Variants in ARSJ observed in about 807,000 individuals in gnomAD.
The protein encoded by ARSJ is arylsulfatase family member J.
A neutral mutation model predicts 35.9 loss-of-function variants in ARSJ; 26 were observed. The ratio of observed to expected loss-of-function variants is 0.72; its 90% CI spans 0.53 to 1.00. ARSJ has a LOEUF of 1.00. Ranked by LOEUF, ARSJ falls within the 50% of genes least tolerant of loss-of-function variation. ARSJ has a pLI of 0.00. For missense variants in ARSJ, 667 were observed against 723.6 expected (o/e 0.92, Z 0.90); for synonymous variants, 294 against 267.6 (o/e 1.10, Z -0.96).
chr4:113,921,721 T>C (rs935511249), intron 1 of ARSJ, among the ~76,000 whole-genome samples: 10 of 152,162 alleles, frequency 6.6e-5, no homozygotes, highest in African/African-American at 1.4e-4. Flanking sequence ...AGAATGCTAC[T>C]GCACTTTGAG....
chr4:113,915,299 G>T (rs1723228565), intron 1 of ARSJ, among the ~76,000 whole-genome samples: 1 of 152,020 alleles, frequency 6.6e-6, no homozygotes, highest in Admixed American at 6.6e-5. Flanking sequence ...GTTTATTTAG[G>T]ATTTATTATT....
intron 1 of ARSJ, among the ~76,000 whole-genome samples, chr4:113,921,188 T>C (rs78526278): frequency 5.1e-4 from 78 of 151,842 alleles, no homozygotes; most frequent in African/African-American, 1.8e-3. Flanking sequence ...TAAATAAAAG[T>C]ATGGCCCATA....
At chr4:113,927,323 A>G (rs1724133763) in intron 1 of ARSJ, among the ~76,000 whole-genome samples, 1 of 152,162 alleles carries the variant, frequency 6.6e-6, no homozygotes, top group African/African-American at 2.4e-5. Context: ...AGTTGGATTT[A>G]TTTCCCATCA....
At position 113,978,942 on chromosome 4, in the gene ARSJ, ATCC is replaced by A. The variant is rs1296080317; in HGVS notation, c.-111_-109del. The A allele has an allele frequency of 1.7e-6, 2 of 1,197,608 alleles. No homozygotes were observed. The highest frequency in any genetic ancestry group is 1.5e-5 in the African/African-American group (1 of 65,334). The allele number at this position is 1,197,608 out of a possible 1,614,324, so 74.2% of individuals were successfully genotyped here. On this transcript the variant is annotated 5_prime_UTR_variant, in exon 1 of 2. Coordinates refer to ENST00000315366, the MANE Select transcript of ARSJ (RefSeq NM_024590.4). ...GTGAAGACTCTCCACCTGGCAAGAA[ATCC>A]TCCTCTCCTCTCAGCTGTCACCATG... is the stretch of plus-strand genomic sequence containing the variant.
intron 1 of ARSJ, among the ~76,000 whole-genome samples, chr4:113,933,511 G>A (rs1039619964): frequency 8.6e-5 from 13 of 151,656 alleles, no homozygotes; most frequent in African/African-American, 3.1e-4. Flanking sequence ...ATGATCAAGT[G>A]GGATTTCATC....
chr4:113,945,745 T>G (rs1338020017), intron 1 of ARSJ, among the ~76,000 whole-genome samples: 1 of 152,126 alleles, frequency 6.6e-6, no homozygotes, highest in Non-Finnish European at 1.5e-5. Context: ...GACATTTATA[T>G]AATAGATATA....
intron 1 of ARSJ, among the ~76,000 whole-genome samples, chr4:113,931,549 A>G (rs17581381): frequency 0.24 from 36,407 of 152,032 alleles, 4,773 homozygotes; most frequent in Middle Eastern, 0.36. Context: ...TTCTATAACA[A>G]TAAATGTCTT....
At chr4:113,970,749 G>A (rs1727191047) in intron 1 of ARSJ, 1 of 152,196 alleles carries the variant, frequency 6.6e-6, no homozygotes, top group African/African-American at 2.4e-5. Context: ...AAGCCCAGGA[G>A]TTAGAGACCA....
At chr4:113,927,620 C>T (rs2888764) in intron 1 of ARSJ, among the ~76,000 whole-genome samples, 7,656 of 152,254 alleles carry the variant, frequency 0.05, 268 homozygotes, top group Non-Finnish European at 0.076. Context: ...AAGTCAGTGG[C>T]TGCATACCAG....
intron 1 of ARSJ, among the ~76,000 whole-genome samples, chr4:113,960,985 T>C (rs949669414): frequency 6.6e-6 from 1 of 152,060 alleles, no homozygotes; most frequent in Non-Finnish European, 1.5e-5. Context: ...GTTTGAAAAA[T>C]TATAGAATAA....
At chr4:113,917,318 AACTGTC>A (rs1723373715) in intron 1 of ARSJ, among the ~76,000 whole-genome samples, 1 of 152,026 alleles carries the variant, frequency 6.6e-6, no homozygotes, top group Admixed American at 6.6e-5. Context: ...TAACATCCAA[AACTGTC>A]ACCTCCATAT....
At chr4:113,957,874 A>C (rs906418141) in intron 1 of ARSJ, among the ~76,000 whole-genome samples, 4 of 152,112 alleles carry the variant, frequency 2.6e-5, no homozygotes, top group African/African-American at 9.7e-5. Flanking sequence ...TCAGTCAAGC[A>C]CACACACCTT....
chr4:113,915,658 A>C (rs944142690), intron 1 of ARSJ, among the ~76,000 whole-genome samples: 3 of 152,332 alleles, frequency 2.0e-5, no homozygotes, highest in Admixed American at 6.5e-5. Context: ...TATACCCTGA[A>C]GATCTCTAAT....
rs138562912 is a variant in ARSJ at position 113,929,538 on chromosome 4, C to T, written c.399-25863G>A. The stretch of plus-strand genomic sequence containing the variant: ...CAGTGTCCCCAGGTTTATCAGGGTC[C>T]TCCCACACATCCCCATTCCAAGTTG... On this transcript the variant is annotated intron_variant, in intron 1 of 1. Coordinates refer to ENST00000315366, the MANE Select transcript of ARSJ (RefSeq NM_024590.4). Among the ~76,000 whole-genome samples, 499 of 152,218 alleles carry T rather than the reference C, an allele frequency of 3.3e-3. 2 individuals carry two copies. The highest frequency in any genetic ancestry group is 0.012 in the African/African-American group (480 of 41,538).
intron 1 of ARSJ, among the ~76,000 whole-genome samples, chr4:113,933,365 C>T (rs1480203226): frequency 6.6e-6 from 1 of 151,744 alleles, no homozygotes; most frequent in African/African-American, 2.4e-5. Context: ...GCCAGTGTTG[C>T]TCTGATACCA....
intron 1 of ARSJ, among the ~76,000 whole-genome samples, chr4:113,945,330 G>A (rs891832376): frequency 2.6e-5 from 4 of 151,888 alleles, no homozygotes; most frequent in Non-Finnish European, 4.4e-5. Flanking sequence ...AGCAATGGGG[G>A]TCTCACTATG....
At chr4:113,931,406 A>G (rs1724440224) in intron 1 of ARSJ, among the ~76,000 whole-genome samples, 1 of 152,098 alleles carries the variant, frequency 6.6e-6, no homozygotes, top group South Asian at 2.1e-4. Flanking sequence ...CATAAAGGGT[A>G]CAGAAGAAGG....
chr4:113,945,274 A>G (rs72664878), intron 1 of ARSJ, among the ~76,000 whole-genome samples: 15,285 of 152,116 alleles, frequency 0.1, 928 homozygotes, highest in Middle Eastern at 0.23. Flanking sequence ...AGCTGGGACT[A>G]TAGGTGTGTG....
chr4:113,959,072 T>A (rs1726377748), intron 1 of ARSJ, among the ~76,000 whole-genome samples: 1 of 151,962 alleles, frequency 6.6e-6, no homozygotes, highest in South Asian at 2.1e-4. Context: ...AAATAGCAAT[T>A]TAAAAGCACG....
Sources: gnomAD v4.1 joint callset for allele counts (sites outside exome capture counted in the v4.1 genomes callset) on GRCh38, gnomAD v4.1.1 for gene constraint, MANE v1.5 for transcripts, NCBI Gene and HGNC (gene_info 2026-07-23, HGNC 2026-07-21) for gene names.